Variants in ADGRB3 observed in about 807,000 individuals in gnomAD.
ADGRB3 encodes brain-specific angiogenesis inhibitor 3.
Under a neutral mutation model 193.4 loss-of-function variants are expected in ADGRB3, and 37 were observed. That is an observed-to-expected ratio of 0.19 (90% CI 0.15 to 0.25). The LOEUF (loss-of-function observed/expected upper bound fraction) is 0.25. Among genes scored for constraint, ADGRB3 ranks in the 10% least tolerant of loss-of-function variants. ADGRB3 has a pLI of 1.00. For synonymous variants in ADGRB3, 690 were observed against 644.2 expected (o/e 1.07, Z -1.08); for missense variants, 1,637 against 1,852.9 (o/e 0.88, Z 2.14).
At chr6:69,247,807 C>T (rs1011252769) in intron 20 of ADGRB3, among the ~76,000 whole-genome samples, 1 of 152,050 alleles carries the variant, frequency 6.6e-6, no homozygotes, top group African/African-American at 2.4e-5. Flanking sequence ...TATGGCTATA[C>T]CTATTGAATG....
chr6:68,955,949 T>G, intron 6 of ADGRB3, 75 bp from the exon 7 acceptor site: 1 of 1,505,544 alleles, frequency 6.6e-7, no homozygotes, highest in Non-Finnish European at 8.9e-7. Context: ...TCAAGGGTGG[T>G]TTTACCAGGT....
chr6:68,661,538 CATATATATATATATATATAT>C (rs66836065), intron 3 of ADGRB3, among the ~76,000 whole-genome samples: 4 of 91,830 alleles, frequency 4.4e-5, no homozygotes, highest in Non-Finnish European at 6.7e-5. Flanking sequence ...TATGTGTATA[CATATATATATATATATATAT>C]ATATATATAT....
chr6:69,149,975 T>TGTGTGTGTGTGTGTG (rs1582500352), intron 17 of ADGRB3, among the ~76,000 whole-genome samples: 3 of 135,506 alleles, frequency 2.2e-5, no homozygotes, highest in African/African-American at 8.3e-5. Flanking sequence ...TGTGTGTGTG[T>TGTGTGTGTGTGTGTG]TGAGATCCCT....
intron 17 of ADGRB3, among the ~76,000 whole-genome samples, chr6:69,220,443 T>C (rs993066566): frequency 2.0e-5 from 3 of 152,068 alleles, no homozygotes; most frequent in Admixed American, 6.6e-5. Flanking sequence ...TTTCTGTGCA[T>C]ACCAAAAAAG....
intron 12 of ADGRB3, among the ~76,000 whole-genome samples, chr6:69,016,102 T>G (rs771128704): frequency 2.6e-5 from 4 of 151,980 alleles, no homozygotes; most frequent in African/African-American, 4.8e-5. Context: ...ATAATCTATA[T>G]ACGGTCGTTT....
intron 13 of ADGRB3, among the ~76,000 whole-genome samples, chr6:69,040,742 T>C (rs901292660): frequency 1.1e-4 from 8 of 74,978 alleles, no homozygotes; most frequent in Non-Finnish European, 2.1e-4. Context: ...GAGTCACAAA[T>C]AATTTACAAG....
At chr6:68,960,453 A>G (rs1480097413) in intron 8 of ADGRB3, among the ~76,000 whole-genome samples, 1 of 152,100 alleles carries the variant, frequency 6.6e-6, no homozygotes, top group African/African-American at 2.4e-5. Context: ...ACACTGTAAT[A>G]CACTTGTATT....
chr6:68,699,155 T>C (rs1184749587), intron 3 of ADGRB3, among the ~76,000 whole-genome samples: 1 of 152,150 alleles, frequency 6.6e-6, no homozygotes, highest in African/African-American at 2.4e-5. Context: ...GGACATTAAC[T>C]CTTCTGTATT....
At chr6:69,172,276 T>C (rs1420168387) in intron 17 of ADGRB3, among the ~76,000 whole-genome samples, 1 of 152,132 alleles carries the variant, frequency 6.6e-6, no homozygotes, top group African/African-American at 2.4e-5. Context: ...TCTGGTGGTA[T>C]AGCAATGACC....
chr6:69,366,897 A>T (rs1017375875), intron 29 of ADGRB3, among the ~76,000 whole-genome samples: 3 of 152,114 alleles, frequency 2.0e-5, no homozygotes, highest in African/African-American at 7.2e-5. Flanking sequence ...GATGCTGCGG[A>T]TCTAAATGTA....
intron 3 of ADGRB3, among the ~76,000 whole-genome samples, chr6:68,769,760 T>A (rs1414935421): frequency 6.6e-6 from 1 of 152,162 alleles, no homozygotes; most frequent in Non-Finnish European, 1.5e-5. Flanking sequence ...TAATCTTTTT[T>A]ATTTCTTCCT....
chr6:69,234,765 G>A (rs941536810), intron 18 of ADGRB3, among the ~76,000 whole-genome samples: 4 of 151,996 alleles, frequency 2.6e-5, no homozygotes, highest in African/African-American at 4.8e-5. Flanking sequence ...CTTGATTTTC[G>A]AAAGTTATAA....
chr6:68,995,457 T>C (rs1562114759), intron 11 of ADGRB3, among the ~76,000 whole-genome samples: 1 of 152,210 alleles, frequency 6.6e-6, no homozygotes. Flanking sequence ...CCAGTTTATA[T>C]TTAGAACATA....
At chr6:69,373,718 A>C (rs1769754143) in intron 30 of ADGRB3, among the ~76,000 whole-genome samples, 1 of 152,060 alleles carries the variant, frequency 6.6e-6, no homozygotes, top group Non-Finnish European at 1.5e-5. Flanking sequence ...GGTAGCCAAA[A>C]ATAGAGGATC....
intron 17 of ADGRB3, among the ~76,000 whole-genome samples, chr6:69,084,852 C>T (rs942306638): frequency 6.6e-6 from 1 of 152,050 alleles, no homozygotes; most frequent in Non-Finnish European, 1.5e-5. Flanking sequence ...TCTAACAATG[C>T]TTGGTCCAGT....
intron 17 of ADGRB3, among the ~76,000 whole-genome samples, chr6:69,197,470 A>G (rs1185707484): frequency 1.3e-5 from 2 of 151,950 alleles, no homozygotes; most frequent in Non-Finnish European, 2.9e-5. Context: ...AAAAACTCTG[A>G]TAAAATATTC....
At chr6:69,023,681 A>G (rs1029048086) in intron 13 of ADGRB3, among the ~76,000 whole-genome samples, 1 of 152,164 alleles carries the variant, frequency 6.6e-6, no homozygotes, top group African/African-American at 2.4e-5. Context: ...TTGGTAGAAC[A>G]TATGTAAGAT....
intron 6 of ADGRB3, among the ~76,000 whole-genome samples, chr6:68,947,121 G>A (rs1194499346): frequency 6.6e-6 from 1 of 152,038 alleles, no homozygotes; most frequent in Non-Finnish European, 1.5e-5. Context: ...AGCAAGACAG[G>A]CAAGAGGCAT....
At position 68,914,595 on chromosome 6, in the gene ADGRB3, A is replaced by G. The variant is rs147912640; in HGVS notation, c.758-15964A>G. ...TACCAGCCACTGCAAAATCATGCCA[A>G]ATTGTAAAGACCATCGAGGCTAGGA... On this transcript the variant is annotated intron_variant, in intron 3 of 31. Transcript: ENST00000370598. Among the ~76,000 whole-genome samples, 232 of 152,330 alleles carry G rather than the reference A, an allele frequency of 1.5e-3. 2 individuals are homozygous for G. The highest frequency in any genetic ancestry group is 5.2e-3 in the Admixed American group (80 of 15,304).
Sources: allele counts gnomAD v4.1 joint callset (sites outside exome capture counted in the v4.1 genomes callset), GRCh38; gene constraint gnomAD v4.1.1; transcripts MANE v1.5; gene names NCBI Gene and HGNC (gene_info 2026-07-23, HGNC 2026-07-21).